SMG1: variants seen among roughly 807,000 people sequenced by gnomAD.
SMG1 encodes the protein serine/threonine-protein kinase SMG1.
A neutral mutation model predicts 419.9 loss-of-function variants in SMG1; 22 were observed. The ratio of observed to expected loss-of-function variants is 0.05; its 90% CI spans 0.04 to 0.07. The LOEUF (loss-of-function observed/expected upper bound fraction) is 0.07. Among genes scored for constraint, SMG1 ranks in the 10% least tolerant of loss-of-function variants. The pLI, the probability that SMG1 is intolerant of heterozygous loss-of-function variation, is 1.00. For missense variants in SMG1, 3,185 were observed against 4,342.0 expected (o/e 0.73, Z 7.49); for synonymous variants, 1,538 against 1,553.5 (o/e 0.99, Z 0.23).
chr16:18,925,846 G>A (rs940898775), intron 1 of SMG1, 104 bp downstream of exon 1: 57 of 848,082 alleles, frequency 6.7e-5, no homozygotes, highest in African/African-American at 3.3e-4. Flanking sequence ...GGCTCCGAGG[G>A]GTGGAGGGCC....
At chr16:18,838,952 T>G (rs1311862776) in intron 42 of SMG1, among the ~76,000 whole-genome samples, 1 of 152,182 alleles carries the variant, frequency 6.6e-6, no homozygotes, top group Non-Finnish European at 1.5e-5. Flanking sequence ...TCTTCAGTCT[T>G]CCTAGTTTGT....
chr16:18,891,062 G>C lies in SMG1; in HGVS notation c.550-141C>G. 4.8e-6 allele frequency: 3 copies of C among 621,094 alleles called. No homozygotes were observed. In the South Asian group the frequency reaches 5.8e-5, roughly 12 times the overall value. The allele number at this position is 621,094 out of a possible 1,614,324, so 38.5% of individuals were successfully genotyped here. ...CTTTATTATTCCCACTCCCCAATGA[G>C]CATGTATCAGGAATGTCATGTTTCC... On this transcript the variant is annotated intron_variant, in intron 4 of 62. Coordinates refer to ENST00000446231, the MANE Select transcript of SMG1 (RefSeq NM_015092.5).
At chr16:18,866,905 A>T (rs1444687003) in intron 22 of SMG1, 130 bp from the exon 23 acceptor site, 1 of 634,742 alleles carries the variant, frequency 1.6e-6, no homozygotes, top group Non-Finnish European at 2.7e-6. Context: ...CAATTTTCAC[A>T]TTATTTAGCT....
intron 3 of SMG1, among the ~76,000 whole-genome samples, 161 bp from the exon 4 acceptor site, chr16:18,892,515 G>A (rs2036928671): frequency 6.6e-6 from 1 of 152,124 alleles, no homozygotes; most frequent in Non-Finnish European, 1.5e-5. Flanking sequence ...CCTGAGTTCA[G>A]GAGTTTGAGA....
At chr16:18,814,314 T>C (rs1242595692) in intron 60 of SMG1, among the ~76,000 whole-genome samples, 1 of 151,040 alleles carries the variant, frequency 6.6e-6, no homozygotes, top group Non-Finnish European at 1.5e-5. Flanking sequence ...TATTAAGTAT[T>C]TTCCTATGTT....
chr16:18,921,866 T>A (rs916198991), intron 1 of SMG1, among the ~76,000 whole-genome samples: 5 of 152,216 alleles, frequency 3.3e-5, no homozygotes, highest in African/African-American at 2.4e-5. Context: ...AATACTTTAA[T>A]CTGTCTACAA....
At chr16:18,844,671 T>C (rs2034155704) in intron 39 of SMG1, among the ~76,000 whole-genome samples, 1 of 151,498 alleles carries the variant, frequency 6.6e-6, no homozygotes, top group Admixed American at 6.6e-5. Flanking sequence ...TTGCTCTGAA[T>C]TTAGCACCTT....
chr16:18,890,790 C>T (rs918192976), intron 5 of SMG1, 73 bp downstream of exon 5: 1 of 796,726 alleles, frequency 1.3e-6, no homozygotes, highest in Non-Finnish European at 2.2e-6. Context: ...GGTTTGTCTT[C>T]TTGTGTATTG....
chr16:18,912,081 CAAA>C lies in SMG1; in HGVS notation c.92+13866_92+13868del, dbSNP rs10593620. Among the ~76,000 whole-genome samples the C allele has an allele frequency of 6.5e-3, 676 of 104,324 alleles. 7 individuals carry two copies. Among genetic ancestry groups the C allele is most frequent in the African/African-American group, 0.021 (614 of 28,668 alleles). 68.4% of individuals were successfully genotyped at this position (104,324 alleles called of 152,430 possible). A position where few individuals can be genotyped will look rare whatever the true frequency, so the allele number is the denominator to read the frequency against. ...TGGGCAACAGAGCAAGATGCCATCT[CAAA>C]AAAAAAAAAAAAAAACCATTCTTAA... On this transcript the variant is annotated intron_variant, in intron 1 of 62. Transcript: ENST00000446231.
chr16:18,820,480 A>C (rs1389498623), intron 55 of SMG1, among the ~76,000 whole-genome samples: 1 of 152,218 alleles, frequency 6.6e-6, no homozygotes, highest in Non-Finnish European at 1.5e-5. Flanking sequence ...CTGGGATTAT[A>C]GGCATGAACC....
intron 59 of SMG1, 30 bp from the exon 60 acceptor site, chr16:18,815,311 C>G (rs759173402): frequency 2.6e-6 from 4 of 1,542,702 alleles, no homozygotes; most frequent in African/African-American, 2.7e-5. Context: ...GGCTTATTTA[C>G]GAAATGTTTT....
chr16:18,810,038 A>T (rs2031231822), intron 62 of SMG1, among the ~76,000 whole-genome samples: 1 of 152,124 alleles, frequency 6.6e-6, no homozygotes, highest in South Asian at 2.1e-4. Context: ...ACAAGAATAT[A>T]ATAGTGTTTA....
Position 18,889,387 on chromosome 16 carries a change from A to C in SMG1, c.807T>G (p.Phe269Leu), listed in dbSNP as rs1423841025. 2 of 587,942 alleles carry C rather than the reference A, an allele frequency of 3.4e-6. No individual in the cohort carries two copies. The highest frequency in any genetic ancestry group is 4.0e-5 in the South Asian group (2 of 50,460). The allele number at this position is 587,942 out of a possible 1,614,324, so 36.4% of individuals were successfully genotyped here. The change falls in exon 6 of 63, where the codon TTT (phenylalanine) becomes TTG (leucine). Residue 269 changes from phenylalanine (F) to leucine (L), a missense_variant. By Grantham distance (22) the Phe-to-Leu change is conservative (BLOSUM62 0). Coordinates refer to ENST00000446231, the MANE Select transcript of SMG1 (RefSeq NM_015092.5). The stretch of plus-strand genomic sequence containing the variant: ...TCATTCTTACCTGCATTACAGATGA[A>C]AAGGCTTTCTTTTCTCCTACAGTCT... ...ALETVGEKKAFSSVMQLVMTS... is the reference protein window; with the variant it reads ...ALETVGEKKALSSVMQLVMTS...
intron 6 of SMG1, among the ~76,000 whole-genome samples, chr16:18,887,141 T>C (rs1260190236): frequency 6.6e-6 from 1 of 152,186 alleles, no homozygotes; most frequent in Non-Finnish European, 1.5e-5. Context: ...AAGCATATAT[T>C]ATGAAATTAT....
At chr16:18,830,193 A>C (rs1447899146) in intron 52 of SMG1, 26 bp downstream of exon 52, 1 of 1,612,308 alleles carries the variant, frequency 6.2e-7, no homozygotes, top group Non-Finnish European at 8.5e-7. Context: ...CACTTGCATT[A>C]TTTTTAAATC....
chr16:18,815,407 G>A, intron 59 of SMG1, 33 bp downstream of exon 59: 1 of 1,606,394 alleles, frequency 6.2e-7, no homozygotes, highest in Non-Finnish European at 8.5e-7. Flanking sequence ...TTGTACTTAT[G>A]TTTTATAAAT....
chr16:18,871,434 C>T lies in SMG1; in HGVS notation c.2232G>A (p.Lys744=), dbSNP rs1365131123. ...AGAATAAAGGTGCGTATGTTTCAGA[C>T]TTCTTCATTAAAACAGCTGCTTCCA... ...WALEAAVLMK[K]SETYAPLFSL... is the part of the protein sequence containing the mutation. Residue 744 remains lysine, a synonymous_variant, in exon 16 of 63, where the codon AAG becomes AAA. Coordinates refer to ENST00000446231, the MANE Select transcript of SMG1 (RefSeq NM_015092.5). The T allele has an allele frequency of 1.2e-6, 2 of 1,601,572 alleles. No homozygotes were observed. The highest frequency in any genetic ancestry group is 1.7e-5 in the Admixed American group (1 of 57,654).
Position 18,834,368 on chromosome 16 carries a change from C to T in SMG1, c.8401G>A (p.Gly2801Arg), listed in dbSNP as rs1329723470. ...CAGAGTTCCTCCAAGAACCAGGCTC[C>T]ATCCCGAGAAGTCAGATCAACCAGC... Reference protein sequence around the residue: ...EQLVDLTSRDGAWFLEELCSM... With the variant: ...EQLVDLTSRDRAWFLEELCSM... Residue 2801 changes from glycine to arginine, a missense_variant, in exon 50 of 63, where the codon GGA (glycine) becomes AGA (arginine). Physicochemically the swap from Gly to Arg is moderately radical, Grantham distance 125. This residue lies in a region of SMG1 where 412 missense variants were observed against 546.6 expected (regional missense o/e 0.75). Coordinates refer to ENST00000446231, the MANE Select transcript of SMG1 (RefSeq NM_015092.5). The T allele has an allele frequency of 6.2e-7, 1 of 1,613,866 alleles. No individual in the cohort carries two copies. The highest frequency in any genetic ancestry group is 8.5e-7 in the Non-Finnish European group (1 of 1,179,842).
rs750228024 is a variant in SMG1, at chr16:18,868,210, T to C, written c.3175A>G (p.Lys1059Glu). The change falls in exon 22 of 63, where the codon AAA becomes GAA. Residue 1059 changes from lysine to glutamate, a missense_variant. Physicochemically the swap from Lys to Glu is moderately conservative, Grantham distance 56. This residue lies in a region of SMG1 where 70 missense variants were observed against 185.7 expected (regional missense o/e 0.38). Transcript: ENST00000446231. ...RHGFDLLTEM[K>E]TTSLSQGNEL... ...ATTACCTGAGATAGGCTGGTTGTTT[T>C]CATCTCTGTAAGCAAGTCAAAGCCA... 3.8e-6 allele frequency: 6 copies of C among 1,574,386 alleles called. No homozygotes were observed. The highest frequency in any genetic ancestry group is 2.6e-6 in the Non-Finnish European group (3 of 1,167,992).
Sources: gnomAD v4.1 joint callset for allele counts (sites outside exome capture counted in the v4.1 genomes callset) on GRCh38, gnomAD v4.1.1 for gene constraint, gnomAD v4.1.1 regional missense constraint, MANE v1.5 for transcripts, NCBI Gene and HGNC (gene_info 2026-07-23, HGNC 2026-07-21) for gene names.